CUX1: variants seen among roughly 807,000 people sequenced by gnomAD.
CUX1 encodes the protein cut like homeobox 1, also known as protein CASP.
CUX1 carries 31 observed loss-of-function variants against 158.8 expected under a neutral mutation model. The observed-to-expected ratio is 0.20, with a 90% CI of 0.15 to 0.26. The LOEUF is 0.26. Ranked by LOEUF, CUX1 falls within the 10% of genes least tolerant of loss-of-function variation. The probability of loss-of-function intolerance (pLI) is 1.00; values close to 1 mark genes in which losing one functional copy is unlikely to be tolerated. For missense variants in CUX1, 1,589 were observed against 2,014.6 expected (o/e 0.79, Z 4.04); for synonymous variants, 879 against 862.1 (o/e 1.02, Z -0.34).
intron 3 of CUX1, among the ~76,000 whole-genome samples, chr7:102,060,843 AC>A (rs1183142102): frequency 2.1e-5 from 3 of 142,290 alleles, no homozygotes; most frequent in Non-Finnish European, 4.5e-5. Flanking sequence ...TGAATTCCTG[AC>A]CTTGTGATCT....
intron 20 of CUX1, among the ~76,000 whole-genome samples, chr7:102,281,040 A>G (rs558427474): frequency 1.3e-5 from 2 of 152,320 alleles, no homozygotes; most frequent in South Asian, 4.1e-4. Context: ...CATGGTTCAC[A>G]GCATGGTTCT....
chr7:101,991,881 G>A (rs1370716754), intron 2 of CUX1, among the ~76,000 whole-genome samples: 2 of 151,988 alleles, frequency 1.3e-5, no homozygotes, highest in Non-Finnish European at 2.9e-5. Context: ...GGGCAACATA[G>A]CAAGACCTCA....
chr7:102,174,841 T>G (rs1161161209), intron 10 of CUX1, among the ~76,000 whole-genome samples: 1 of 152,118 alleles, frequency 6.6e-6, no homozygotes, highest in African/African-American at 2.4e-5. Context: ...TCCCAACTAC[T>G]CAGGAGGCTG....
At chr7:102,224,819 G>C (rs76883103) in intron 20 of CUX1, among the ~76,000 whole-genome samples, 1 of 152,236 alleles carries the variant, frequency 6.6e-6, no homozygotes, top group East Asian at 1.9e-4. Flanking sequence ...CACAGCAGCC[G>C]GCACCACACT....
intron 1 of CUX1, among the ~76,000 whole-genome samples, chr7:101,828,169 G>A (rs749777647): frequency 2.0e-5 from 3 of 151,932 alleles, no homozygotes; most frequent in African/African-American, 2.4e-5. Flanking sequence ...GGGTTTCACC[G>A]TGTTGGCCAG....
chr7:101,910,651 G>T (rs1216390678), intron 1 of CUX1, among the ~76,000 whole-genome samples: 1 of 151,686 alleles, frequency 6.6e-6, no homozygotes, highest in East Asian at 2.0e-4. Context: ...AGCTTCTCAG[G>T]AGGCTGGGTC....
rs563775425 is a variant in CUX1 at position 102,206,625 on chromosome 7, G to A, written c.3130+1455G>A. 4.9e-4 allele frequency among the ~76,000 whole-genome samples: 75 copies of A among 152,224 alleles called. 2 individuals are homozygous for A. The South Asian group carries it at 0.013, about 27-fold the overall frequency. On this transcript the variant is annotated intron_variant, in intron 20 of 23. Coordinates refer to ENST00000292535, the MANE Select transcript of CUX1 (RefSeq NM_181552.4). ...CAAAACCCCTTGTTAGACCAGGTGC[G>A]GTGGCTCACGCCTGTAATCCCAACA... is the stretch of plus-strand genomic sequence containing the variant.
chr7:102,137,411 G>A (rs1436849936), intron 8 of CUX1, among the ~76,000 whole-genome samples: 4 of 152,110 alleles, frequency 2.6e-5, no homozygotes, highest in South Asian at 2.1e-4. Context: ...TGAGGCAGGC[G>A]GATCACCTGA....
At chr7:102,217,765 GAT>G (rs1797396247) in intron 20 of CUX1, among the ~76,000 whole-genome samples, 2 of 148,480 alleles carry the variant, frequency 1.3e-5, no homozygotes, top group African/African-American at 5.0e-5. Flanking sequence ...GGATGGATGT[GAT>G]GGTGTCTAGA....
At chr7:102,043,986 T>C (rs1257645404) in intron 3 of CUX1, among the ~76,000 whole-genome samples, 1 of 152,126 alleles carries the variant, frequency 6.6e-6, no homozygotes, top group Non-Finnish European at 1.5e-5. Context: ...GCCGTTTGCA[T>C]GTCTTTTTTT....
At chr7:102,052,834 G>A (rs1823675399) in intron 3 of CUX1, among the ~76,000 whole-genome samples, 1 of 152,128 alleles carries the variant, frequency 6.6e-6, no homozygotes, top group Non-Finnish European at 1.5e-5. Flanking sequence ...GGGAGACAGG[G>A]TCTCGCTCTC....
chr7:102,200,988 C>G (rs1228900225), intron 17 of CUX1, among the ~76,000 whole-genome samples: 1 of 136,236 alleles, frequency 7.3e-6, no homozygotes, highest in Non-Finnish European at 1.5e-5. Flanking sequence ...GATCGTGCCA[C>G]TGCGCTCCAG....
At chr7:102,209,424 G>A (rs1268069491) in intron 20 of CUX1, among the ~76,000 whole-genome samples, 1 of 152,110 alleles carries the variant, frequency 6.6e-6, no homozygotes, top group Non-Finnish European at 1.5e-5. Context: ...ACACTGTTGA[G>A]GCCTTGAAAA....
chr7:101,829,359 G>T (rs538116659), intron 1 of CUX1, among the ~76,000 whole-genome samples: 1 of 152,216 alleles, frequency 6.6e-6, no homozygotes, highest in East Asian at 1.9e-4. Context: ...ATGTTTTTGT[G>T]CACTAACAGT....
chr7:102,181,054 G>A (rs1481646811), intron 11 of CUX1, among the ~76,000 whole-genome samples: 1 of 151,560 alleles, frequency 6.6e-6, no homozygotes, highest in Non-Finnish European at 1.5e-5. Flanking sequence ...TGATTCTCCT[G>A]CCTCTGCCTC....
In CUX1 at chr7:102,201,849, A is replaced by G; in HGVS notation, c.2552A>G (p.Glu851Gly). ...AKAEETGGGK[E>G]KGSGGSGGGS... ...GCCGAAGAAACGGGCGGCGGGAAAG[A>G]GAAGGGCAGCGGTGGCAGCGGAGGT... Residue 851 changes from glutamate (E) to glycine (G), a missense_variant, in exon 18 of 24, where the codon GAG becomes GGG. Physicochemically the swap from Glu to Gly is moderately conservative, Grantham distance 98. Coordinates refer to ENST00000292535, the MANE Select transcript of CUX1 (RefSeq NM_181552.4). This position sits in a 1 kb window ranked among gnomAD's most constrained non-coding sequence, Gnocchi z 5.0. The G allele has an allele frequency of 2.5e-6, 4 of 1,612,670 alleles. No homozygotes were observed. Among genetic ancestry groups the G allele is most frequent in the Non-Finnish European group, 3.4e-6 (4 of 1,179,884 alleles).
chr7:102,047,148 T>C (rs1441031745), intron 3 of CUX1, among the ~76,000 whole-genome samples: 1 of 152,180 alleles, frequency 6.6e-6, no homozygotes, highest in Non-Finnish European at 1.5e-5. Flanking sequence ...GGTAGGTGAA[T>C]GAATGTAGCC....
At chr7:102,009,000 C>A (rs1439692496) in intron 2 of CUX1, among the ~76,000 whole-genome samples, 1 of 152,104 alleles carries the variant, frequency 6.6e-6, no homozygotes, top group Non-Finnish European at 1.5e-5. Context: ...AGGGAACCCT[C>A]GGCCCCGCGT....
intron 2 of CUX1, among the ~76,000 whole-genome samples, chr7:102,024,058 G>A (rs978099979): frequency 1.3e-5 from 2 of 152,224 alleles, no homozygotes; most frequent in Admixed American, 1.3e-4. Context: ...ATCATCTCCT[G>A]TACTTCTCAG....
Sources: gnomAD v4.1 joint callset for allele counts (sites outside exome capture counted in the v4.1 genomes callset) on GRCh38, gnomAD v4.1.1 for gene constraint, Gnocchi (gnomAD v3.1) non-coding constraint, MANE v1.5 for transcripts, NCBI Gene and HGNC (gene_info 2026-07-23, HGNC 2026-07-21) for gene names.